DIS3L2: variants seen among roughly 807,000 people sequenced by gnomAD.
DIS3L2 encodes DIS3-like exonuclease 2.
DIS3L2 carries 34 observed loss-of-function variants against 97.5 expected under a neutral mutation model. The ratio of observed to expected loss-of-function variants is 0.35; its 90% CI spans 0.27 to 0.46. The LOEUF (loss-of-function observed/expected upper bound fraction) is 0.46. Ranked by LOEUF, DIS3L2 falls within the 20% of genes least tolerant of loss-of-function variation. The pLI, the probability that DIS3L2 is intolerant of heterozygous loss-of-function variation, is 1.00. For synonymous variants in DIS3L2, 435 were observed against 445.2 expected, an observed-to-expected ratio of 0.98 and a Z score of 0.29; for missense variants, 1,038 against 1,146.0, an observed-to-expected ratio of 0.91 and a Z score of 1.36.
intron 12 of DIS3L2, among the ~76,000 whole-genome samples, chr2:232,258,748 G>A (rs1305383719): frequency 6.6e-6 from 1 of 152,128 alleles, no homozygotes; most frequent in Admixed American, 6.5e-5. Flanking sequence ...TATGCACTGG[G>A]CATTGATGTG....
intron 5 of DIS3L2, among the ~76,000 whole-genome samples, chr2:232,069,035 T>C (rs1695936569): frequency 2.6e-5 from 4 of 152,114 alleles, no homozygotes. Context: ...CAGGCTAGTC[T>C]CAATCTCCTG....
intron 8 of DIS3L2, among the ~76,000 whole-genome samples, chr2:232,144,292 A>G (rs1690155168): frequency 6.6e-6 from 1 of 152,116 alleles, no homozygotes; most frequent in Non-Finnish European, 1.5e-5. Context: ...ATGCAGTTCC[A>G]TTGCTCCACA....
intron 1 of DIS3L2, among the ~76,000 whole-genome samples, chr2:231,962,777 C>T (rs892946259): frequency 2.0e-5 from 3 of 152,204 alleles, no homozygotes; most frequent in African/African-American, 7.2e-5. Context: ...AATGTTTCTA[C>T]TCCCACTTGT....
rs529358436 is a variant in DIS3L2, at chr2:232,004,770, C to T, written c.-93-10065C>T. Among the ~76,000 whole-genome samples the T allele has an allele frequency of 9.9e-5, 15 of 151,978 alleles. No individual in the cohort carries two copies. In the South Asian group the frequency reaches 1.9e-3, roughly 19 times the overall value. On this transcript the variant is annotated intron_variant, in intron 1 of 20. Transcript: ENST00000325385. ...CTAATTTTTGTGTTTTTAGTAGAGACGGGGTTTCACCATGTTGGCCAGGCT... is the reference window on the plus strand; with the variant it reads ...CTAATTTTTGTGTTTTTAGTAGAGATGGGGTTTCACCATGTTGGCCAGGCT...
rs535228541 is a variant in DIS3L2, at chr2:232,055,380, A to G, written c.366+25300A>G. On this transcript the variant is annotated intron_variant, in intron 5 of 20. Coordinates refer to ENST00000325385, the MANE Select transcript of DIS3L2 (RefSeq NM_152383.5). ...GCCTACAAAAATTATTTGCATTTCTATATATCAACAACAAAGAAAAAATGT... is the reference window on the plus strand; with the variant it reads ...GCCTACAAAAATTATTTGCATTTCTGTATATCAACAACAAAGAAAAAATGT... Among the ~76,000 whole-genome samples, 7 of 152,366 alleles carry G rather than the reference A, an allele frequency of 4.6e-5. No homozygotes were observed. The South Asian group carries it at 8.3e-4, about 18-fold the overall frequency.
chr2:232,337,653 C>T (rs932881648), downstream of DIS3L2, among the ~76,000 whole-genome samples: 14 of 152,226 alleles, frequency 9.2e-5, no homozygotes, highest in East Asian at 1.9e-4. Context: ...CGAGAGCTGC[C>T]AGAAACTAGG....
intron 13 of DIS3L2, among the ~76,000 whole-genome samples, chr2:232,267,317 G>A (rs2106285389): frequency 6.6e-6 from 1 of 152,342 alleles, no homozygotes; most frequent in South Asian, 2.1e-4. Flanking sequence ...TGCTCCAAAT[G>A]TCTCCTTTAC....
chr2:232,001,650 T>TTA (rs1693912216), intron 1 of DIS3L2, among the ~76,000 whole-genome samples: 1 of 150,096 alleles, frequency 6.7e-6, no homozygotes. Context: ...TCATGGAACT[T>TTA]TATTTAACTC....
At chr2:232,335,680 G>A (rs1407438223) in intron 19 of DIS3L2, 93 bp from the exon 20 acceptor site, 3 of 1,419,070 alleles carry the variant, frequency 2.1e-6, no homozygotes, top group Non-Finnish European at 2.9e-6. Flanking sequence ...GCCGAGGGCT[G>A]AGGGCCGCCT....
At chr2:232,166,468 G>A (rs1043487946) in intron 9 of DIS3L2, among the ~76,000 whole-genome samples, 1 of 152,214 alleles carries the variant, frequency 6.6e-6, no homozygotes, top group African/African-American at 2.4e-5. Flanking sequence ...CTCAACGCCT[G>A]TAATCCTAGC....
intron 1 of DIS3L2, among the ~76,000 whole-genome samples, chr2:231,993,873 A>G (rs1053740049): frequency 2.0e-5 from 3 of 151,758 alleles, no homozygotes; most frequent in Non-Finnish European, 4.4e-5. Context: ...GACAGGTTCT[A>G]GAAATGAAAA....
intron 10 of DIS3L2, among the ~76,000 whole-genome samples, chr2:232,235,103 C>T (rs1692896414): frequency 6.6e-6 from 1 of 152,220 alleles, no homozygotes; most frequent in East Asian, 1.9e-4. Flanking sequence ...TTGTACTCAT[C>T]TAAGTTTGTG....
At chr2:232,175,699 A>G (rs990638546) in intron 9 of DIS3L2, among the ~76,000 whole-genome samples, 2 of 152,064 alleles carry the variant, frequency 1.3e-5, no homozygotes, top group Admixed American at 6.6e-5. Flanking sequence ...ATAGTACCCA[A>G]TAAGAGGTAG....
intron 1 of DIS3L2, among the ~76,000 whole-genome samples, chr2:231,992,844 A>G (rs947946970): frequency 6.6e-6 from 1 of 151,096 alleles, no homozygotes; most frequent in Admixed American, 6.6e-5. Context: ...GTTTTCTCTT[A>G]TATCTCCCTC....
chr2:232,146,746 A>G (rs1690226714), intron 8 of DIS3L2, among the ~76,000 whole-genome samples: 1 of 152,198 alleles, frequency 6.6e-6, no homozygotes, highest in South Asian at 2.1e-4. Context: ...TGAAAACTAG[A>G]TTTTTGTGAG....
chr2:231,972,478 C>A (rs1341384561), intron 1 of DIS3L2, among the ~76,000 whole-genome samples: 2 of 152,166 alleles, frequency 1.3e-5, no homozygotes, highest in Non-Finnish European at 2.9e-5. Context: ...TATGGGACTG[C>A]CATAGCATAT....
At chr2:232,135,500 A>T (rs1698331117) in intron 7 of DIS3L2, among the ~76,000 whole-genome samples, 1 of 152,196 alleles carries the variant, frequency 6.6e-6, no homozygotes, top group Non-Finnish European at 1.5e-5. Flanking sequence ...TTCTTGAAAG[A>T]GGGCACAGCA....
chr2:232,009,961 A>G (rs1056158536), intron 1 of DIS3L2, among the ~76,000 whole-genome samples: 2 of 152,166 alleles, frequency 1.3e-5, no homozygotes, highest in Admixed American at 1.3e-4. Flanking sequence ...CTCCAAATTA[A>G]TTTAGCTCCC....
intron 20 of DIS3L2, 112 bp from the exon 21 acceptor site, chr2:232,336,357 C>A: frequency 6.5e-7 from 1 of 1,548,248 alleles, no homozygotes; most frequent in Non-Finnish European, 8.7e-7. Context: ...CGAGCAGAGG[C>A]TTCCAGAGGC....
Sources: gnomAD v4.1 joint callset for allele counts (sites outside exome capture counted in the v4.1 genomes callset) on GRCh38, gnomAD v4.1.1 for gene constraint, MANE v1.5 for transcripts, NCBI Gene and HGNC (gene_info 2026-07-23, HGNC 2026-07-21) for gene names.